The following SCUBE3 variants were observed in gnomAD, a reference collection of about 807,000 sequenced individuals.
SCUBE3 encodes signal peptide, CUB domain and EGF like domain containing 3, also known as signal peptide, CUB and EGF-like domain-containing protein 3.
SCUBE3 carries 33 observed loss-of-function variants against 116.8 expected under a neutral mutation model. The ratio of observed to expected loss-of-function variants is 0.28; its 90% CI spans 0.21 to 0.38. The LOEUF (loss-of-function observed/expected upper bound fraction) is 0.38. Ranked by LOEUF, SCUBE3 falls within the 10% of genes least tolerant of loss-of-function variation. SCUBE3 has a pLI of 1.00. For missense variants in SCUBE3, 1,007 were observed against 1,324.8 expected, an observed-to-expected ratio of 0.76 and a Z score of 3.72; for synonymous variants, 418 against 496.9, an observed-to-expected ratio of 0.84 and a Z score of 2.11.
rs1784248694 is a variant in SCUBE3, at chr6:35,244,592, G to GC, written c.2240-54dup. Reference sequence around the variant, plus strand: ...GATGAATGTATCCTGTCCATCCCATGCCCCGTAACTCCCACCTGCCTACCA... The same window carrying GC: ...GATGAATGTATCCTGTCCATCCCATGCCCCCGTAACTCCCACCTGCCTACCA... On this transcript the variant is annotated intron_variant, in intron 17 of 21. Transcript: ENST00000274938. This position sits in a 1 kb window ranked among gnomAD's most constrained non-coding sequence, Gnocchi z 4.3. 14 of 1,394,756 alleles carry GC rather than the reference G, an allele frequency of 1.0e-5. No individual in the cohort carries two copies. The Admixed American group carries it at 2.2e-4, about 22-fold the overall frequency. The allele number at this position is 1,394,756 out of a possible 1,614,324, so 86.4% of individuals were successfully genotyped here.
At chr6:35,215,140 C>G (rs1487611275) in intron 1 of SCUBE3, among the ~76,000 whole-genome samples, 1 of 152,212 alleles carries the variant, frequency 6.6e-6, no homozygotes. Flanking sequence ...TTTCGTCTTG[C>G]ATGGCTTTCA....
At chr6:35,230,901 G>T (rs1053932016) in intron 3 of SCUBE3, among the ~76,000 whole-genome samples, 1 of 152,196 alleles carries the variant, frequency 6.6e-6, no homozygotes, top group Non-Finnish European at 1.5e-5. Context: ...GGACTTGGGA[G>T]GGCAGTAGCT....
rs1293710490 is a variant in SCUBE3 at position 35,248,609 on chromosome 6, C to T, written c.2886C>T (p.Tyr962=). 5.0e-6 allele frequency: 8 copies of T among 1,613,968 alleles called. No individual in the cohort carries two copies. The highest frequency in any genetic ancestry group is 5.9e-6 in the Non-Finnish European group (7 of 1,179,946). The change falls in exon 22 of 22, where the codon TAC becomes TAT. Residue 962 remains tyrosine (Y), a synonymous_variant. Transcript: ENST00000274938. ...FFEVLAHPQN[Y]FKYTEKHKEM... is the part of the protein sequence containing the mutation. Reference sequence around the variant, plus strand: ...AGGTGCTAGCCCACCCCCAGAACTACTTCAAGTACACAGAGAAACACAAGG... The same window carrying T: ...AGGTGCTAGCCCACCCCCAGAACTATTTCAAGTACACAGAGAAACACAAGG...
At position 35,240,023 on chromosome 6, in the gene SCUBE3, C is replaced by G. The variant is rs1783965447; in HGVS notation, c.952+149C>G. 1 of 672,302 alleles carries G rather than the reference C, an allele frequency of 1.5e-6. No homozygotes were observed. Among genetic ancestry groups the G allele is most frequent in the African/African-American group, 1.9e-5 (1 of 53,882 alleles). The allele number at this position is 672,302 out of a possible 1,614,324, so 41.6% of individuals were successfully genotyped here. A position where few individuals can be genotyped will look rare whatever the true frequency, so the allele number is the denominator to read the frequency against. On this transcript the variant is annotated intron_variant, in intron 8 of 21. Transcript: ENST00000274938. This position sits in a 1 kb window ranked among gnomAD's most constrained non-coding sequence, Gnocchi z 4.6. ...TCATCCTGCAAATTAGCAAATGGTA[C>G]TCTTTCCCCTCAGCGGACTAGCTCC...
chr6:35,218,204 T>C (rs1289595857), intron 1 of SCUBE3: 1 of 957,812 alleles, frequency 1.0e-6, no homozygotes, highest in Admixed American at 6.2e-5. Context: ...TGGGTGTGAG[T>C]TTGGGAATGT....
intron 7 of SCUBE3, among the ~76,000 whole-genome samples, 165 bp downstream of exon 7, chr6:35,238,183 T>C (rs1368722066): frequency 6.6e-6 from 1 of 152,150 alleles, no homozygotes; most frequent in East Asian, 1.9e-4. Flanking sequence ...TTCATCTCAG[T>C]TCAAGGGACA....
At position 35,243,096 on chromosome 6, in the gene SCUBE3, C is replaced by G. The variant is rs773302756; in HGVS notation, c.1769C>G (p.Ser590Cys). ...LKGSLKMLRK[S>C]INQDRFLLRL... Reference sequence around the variant, plus strand: ...GGATCCCTGAAGATGCTCAGAAAGTCCATCAACCAGGACCGCTTCCTGCTG... The same window carrying G: ...GGATCCCTGAAGATGCTCAGAAAGTGCATCAACCAGGACCGCTTCCTGCTG... The change falls in exon 15 of 22, where the codon TCC (serine) becomes TGC (cysteine). Residue 590 changes from serine (S) to cysteine (C), a missense_variant. By Grantham distance (112) the Ser-to-Cys change is moderately radical. Coordinates refer to ENST00000274938, the MANE Select transcript of SCUBE3 (RefSeq NM_152753.4). The surrounding 1 kb of genome is among the most constrained non-coding windows in gnomAD (Gnocchi z 6.6). The G allele has an allele frequency of 1.2e-6, 2 of 1,614,076 alleles. No homozygotes were observed. The highest frequency in any genetic ancestry group is 2.7e-5 in the African/African-American group (2 of 74,948).
Position 35,232,009 on chromosome 6 carries a change from A to C in SCUBE3, c.469+150A>C. On this transcript the variant is annotated intron_variant, in intron 4 of 21. Coordinates refer to ENST00000274938, the MANE Select transcript of SCUBE3 (RefSeq NM_152753.4). This position sits in a 1 kb window ranked among gnomAD's most constrained non-coding sequence, Gnocchi z 4.2. ...CTTCAACTCAATCACACCCTAAAGGATCTAGGAACAGACACCCTGTTAGGG... is the reference window on the plus strand; with the variant it reads ...CTTCAACTCAATCACACCCTAAAGGCTCTAGGAACAGACACCCTGTTAGGG... The C allele has an allele frequency of 1.4e-6, 1 of 726,248 alleles. No individual in the cohort carries two copies. 45.0% of individuals were successfully genotyped at this position (726,248 alleles called of 1,614,324 possible).
rs13214290 is a variant in SCUBE3, at chr6:35,235,426, T to A, written c.712+2125T>A. ...GGCTTCTGCCCAGCACCTAAACAGC[T>A]TTTTTACAATGTCAAACAGGGGAAA... On this transcript the variant is annotated intron_variant, in intron 6 of 21. Transcript: ENST00000274938. The surrounding 1 kb of genome is among the most constrained non-coding windows in gnomAD (Gnocchi z 4.5). The A allele has an allele frequency of 1.1e-4, 136 of 1,270,752 alleles. No individual in the cohort carries two copies. Among genetic ancestry groups the A allele is most frequent in the Middle Eastern group, 2.2e-4 (1 of 4,536 alleles). The allele number at this position is 1,270,752 out of a possible 1,614,324, so 78.7% of individuals were successfully genotyped here.
chr6:35,233,102 C>A lies in SCUBE3; in HGVS notation c.596-83C>A. ...AGGGAGTATGGGGGAGGCAACTAGG[C>A]AAGGGGGCCAGTACCCACATTGTGG... On this transcript the variant is annotated intron_variant, in intron 5 of 21. Transcript: ENST00000274938. The surrounding 1 kb of genome is among the most constrained non-coding windows in gnomAD (Gnocchi z 5.7). 1 of 1,473,388 alleles carries A rather than the reference C, an allele frequency of 6.8e-7. No individual in the cohort carries two copies. The highest frequency in any genetic ancestry group is 9.4e-7 in the Non-Finnish European group (1 of 1,060,216). The allele number at this position is 1,473,388 out of a possible 1,614,324, so 91.3% of individuals were successfully genotyped here. A position where few individuals can be genotyped will look rare whatever the true frequency, so the allele number is the denominator to read the frequency against.
rs753613706 is a variant in SCUBE3 at position 35,243,557 on chromosome 6, C to T, written c.1910-37C>T. ...TCCCAGGCCTGGGTGGTGGGAAATG[C>T]GGGGGTGGGTGGCTAGCGCGGCCGA... On this transcript the variant is annotated intron_variant, in intron 15 of 21. Transcript: ENST00000274938. This position sits in a 1 kb window ranked among gnomAD's most constrained non-coding sequence, Gnocchi z 6.6. 1.1e-5 allele frequency: 17 copies of T among 1,516,502 alleles called. No individual in the cohort carries two copies. The highest frequency in any genetic ancestry group is 7.0e-5 in the African/African-American group (5 of 71,588). The allele number at this position is 1,516,502 out of a possible 1,614,324, so 93.9% of individuals were successfully genotyped here.
At position 35,243,091 on chromosome 6, in the gene SCUBE3, A is replaced by G. The variant is rs772098961; in HGVS notation, c.1764A>G (p.Arg588=). 1.2e-6 allele frequency: 2 copies of G among 1,614,202 alleles called. No homozygotes were observed. Among genetic ancestry groups the G allele is most frequent in the Admixed American group, 3.3e-5 (2 of 60,030 alleles). ...RRLKGSLKML[R]KSINQDRFLL... ...TGAAAGGATCCCTGAAGATGCTCAGAAAGTCCATCAACCAGGACCGCTTCC... is the reference window on the plus strand; with the variant it reads ...TGAAAGGATCCCTGAAGATGCTCAGGAAGTCCATCAACCAGGACCGCTTCC... The change falls in exon 15 of 22, where the codon AGA becomes AGG. Residue 588 remains arginine, a synonymous_variant. Coordinates refer to ENST00000274938, the MANE Select transcript of SCUBE3 (RefSeq NM_152753.4). The surrounding 1 kb of genome is among the most constrained non-coding windows in gnomAD (Gnocchi z 6.6).
chr6:35,241,951 T>G lies in SCUBE3; in HGVS notation c.1417+41T>G. The stretch of plus-strand genomic sequence containing the variant: ...GAAGCCCTGTTCCCACCCTACTCTC[T>G]TACATTAATCCCTTATTTTTGTTCT... On this transcript the variant is annotated intron_variant, in intron 12 of 21. Transcript: ENST00000274938. This position sits in a 1 kb window ranked among gnomAD's most constrained non-coding sequence, Gnocchi z 4.1. 1.1e-5 allele frequency: 14 copies of G among 1,322,942 alleles called. No individual in the cohort carries two copies. The highest frequency in any genetic ancestry group is 1.4e-5 in the Non-Finnish European group (13 of 922,812). 82.0% of individuals were successfully genotyped at this position (1,322,942 alleles called of 1,614,324 possible).
At chr6:35,222,308 C>A (rs935474727) in intron 1 of SCUBE3, 1 of 152,204 alleles carries the variant, frequency 6.6e-6, no homozygotes, top group African/African-American at 2.4e-5. Flanking sequence ...TTTTAGGGTA[C>A]ACCTGCCCAT....
Position 35,243,582 on chromosome 6 carries a change from ACT to A in SCUBE3, c.1910-8_1910-7del. The A allele has an allele frequency of 6.3e-7, 1 of 1,592,144 alleles. No individual in the cohort carries two copies. Among genetic ancestry groups the A allele is most frequent in the Non-Finnish European group, 8.6e-7 (1 of 1,166,132 alleles). ...CGGGGGTGGGTGGCTAGCGCGGCCG[ACT>A]CTCCCTCAGTCAGCTGCCCGCAGGG... On this transcript the variant is annotated splice_polypyrimidine_tract_variant and intron_variant, in intron 15 of 21. Transcript: ENST00000274938. The surrounding 1 kb of genome is among the most constrained non-coding windows in gnomAD (Gnocchi z 6.6).
In SCUBE3 at chr6:35,233,561, AGGACAAAGT is replaced by A. The variant is rs1783638523; in HGVS notation, c.712+262_712+270del. Among the ~76,000 whole-genome samples the A allele has an allele frequency of 6.6e-6, 1 of 152,230 alleles. No homozygotes were observed. The highest frequency in any genetic ancestry group is 2.4e-5 in the African/African-American group (1 of 41,466). ...GGAGCCTCACCACCCTCTTCATCCC[AGGACAAAGT>A]GTTGCCAAACTGGGAATAATTAGCA... On this transcript the variant is annotated intron_variant, in intron 6 of 21. Coordinates refer to ENST00000274938, the MANE Select transcript of SCUBE3 (RefSeq NM_152753.4). This position sits in a 1 kb window ranked among gnomAD's most constrained non-coding sequence, Gnocchi z 5.7.
At chr6:35,237,065 G>A (rs1217052320) in intron 6 of SCUBE3, among the ~76,000 whole-genome samples, 1 of 152,208 alleles carries the variant, frequency 6.6e-6, no homozygotes, top group African/African-American at 2.4e-5. Flanking sequence ...CAGCATAAGA[G>A]ACTTAGCTAA....
intron 1 of SCUBE3, among the ~76,000 whole-genome samples, chr6:35,216,658 C>T (rs1782906082): frequency 6.6e-6 from 1 of 152,196 alleles, no homozygotes; most frequent in Non-Finnish European, 1.5e-5. Flanking sequence ...ATCAGGGAGG[C>T]CTTACCTTCA....
At position 35,214,470 on chromosome 6, in the gene SCUBE3, G is replaced by A. The variant is rs868859278; in HGVS notation, c.52G>A (p.Ala18Thr). The change falls in exon 1 of 22, where the codon GCC (alanine) becomes ACC (threonine). Residue 18 changes from alanine to threonine, a missense_variant. Ala to Thr is a moderately conservative substitution (Grantham distance 58). Coordinates refer to ENST00000274938, the MANE Select transcript of SCUBE3 (RefSeq NM_152753.4). The surrounding 1 kb of genome is among the most constrained non-coding windows in gnomAD (Gnocchi z 6.3). ...CTGCCTGCTTGTCCTGCTGGTCCAC[G>A]CCCGCGCCGCCCAGTACAGCAAAGC... ...GLCLLVLLVH[A>T]RAAQYSKAAQ... is the part of the protein sequence containing the mutation. 2 of 1,506,878 alleles carry A rather than the reference G, an allele frequency of 1.3e-6. No individual in the cohort carries two copies. The highest frequency in any genetic ancestry group is 1.8e-6 in the Non-Finnish European group (2 of 1,132,362). The allele number at this position is 1,506,878 out of a possible 1,614,324, so 93.3% of individuals were successfully genotyped here.
Sources: gnomAD v4.1 joint callset for allele counts (sites outside exome capture counted in the v4.1 genomes callset) on GRCh38, gnomAD v4.1.1 for gene constraint, Gnocchi (gnomAD v3.1) non-coding constraint, MANE v1.5 for transcripts, NCBI Gene and HGNC (gene_info 2026-07-23, HGNC 2026-07-21) for gene names.